PCSK5: variants seen among roughly 807,000 people sequenced by gnomAD.
PCSK5 encodes the protein proprotein convertase subtilisin/kexin type 5.
Under a neutral mutation model 233.2 loss-of-function variants are expected in PCSK5, and 129 were observed. The ratio of observed to expected loss-of-function variants is 0.55; its 90% CI spans 0.48 to 0.64. The LOEUF (loss-of-function observed/expected upper bound fraction) is 0.64. PCSK5 is among the 30% of genes least tolerant of loss of function. The pLI is 0.00. For missense variants in PCSK5, 2,076 were observed against 2,430.1 expected (o/e 0.85, Z 3.06); for synonymous variants, 825 against 879.2 (o/e 0.94, Z 1.09).
At chr9:76,264,399 G>T (rs1827272840) in intron 24 of PCSK5, among the ~76,000 whole-genome samples, 1 of 152,028 alleles carries the variant, frequency 6.6e-6, no homozygotes, top group South Asian at 2.1e-4. Context: ...TGGGTCTTGG[G>T]AAGGAATTTA....
intron 32 of PCSK5, among the ~76,000 whole-genome samples, chr9:76,325,133 C>T (rs1043749614): frequency 1.3e-5 from 2 of 152,038 alleles, no homozygotes; most frequent in African/African-American, 4.8e-5. Context: ...AGGCTGTGTC[C>T]GCATGCAGAA....
chr9:75,916,669 A>G (rs1337895389), intron 1 of PCSK5, among the ~76,000 whole-genome samples: 1 of 152,086 alleles, frequency 6.6e-6, no homozygotes, highest in Non-Finnish European at 1.5e-5. Context: ...AAGGAAGGCC[A>G]GTGGGTTGGT....
At chr9:76,138,150 G>A (rs916866789) in intron 10 of PCSK5, among the ~76,000 whole-genome samples, 8 of 152,088 alleles carry the variant, frequency 5.3e-5, no homozygotes, top group Non-Finnish European at 7.4e-5. Context: ...GGGAAGAAAC[G>A]TCAGGGACAC....
At chr9:76,356,807 G>A (rs1337370145) in intron 37 of PCSK5, among the ~76,000 whole-genome samples, 1 of 152,180 alleles carries the variant, frequency 6.6e-6, no homozygotes, top group Non-Finnish European at 1.5e-5. Flanking sequence ...CACCTTGGCA[G>A]CAGTGTTATA....
chr9:76,201,256 G>A (rs529139872), intron 20 of PCSK5, among the ~76,000 whole-genome samples: 58 of 152,292 alleles, frequency 3.8e-4, no homozygotes, highest in African/African-American at 1.4e-3. Context: ...GAAAAAACAT[G>A]ATGTGCTAGC....
At chr9:76,055,868 G>GTAC (rs1425224477) in intron 5 of PCSK5, among the ~76,000 whole-genome samples, 2 of 152,150 alleles carry the variant, frequency 1.3e-5, no homozygotes, top group African/African-American at 4.8e-5. Flanking sequence ...TGAGGCAAAA[G>GTAC]TACTTTGAGC....
intron 35 of PCSK5, among the ~76,000 whole-genome samples, chr9:76,347,076 A>ATT (rs34762060): frequency 0.22 from 31,988 of 148,518 alleles, 3,538 homozygotes; most frequent in Middle Eastern, 0.4. Context: ...TATTTTTTCT[A>ATT]TTTTTTTTTT....
chr9:76,137,804 G>C (rs1489826973), intron 10 of PCSK5, among the ~76,000 whole-genome samples: 2 of 152,050 alleles, frequency 1.3e-5, no homozygotes, highest in Non-Finnish European at 2.9e-5. Context: ...CCAGTATTTT[G>C]CTTCTGACCA....
At chr9:76,109,628 T>C (rs1302315784) in intron 9 of PCSK5, among the ~76,000 whole-genome samples, 2 of 151,688 alleles carry the variant, frequency 1.3e-5, no homozygotes, top group African/African-American at 4.8e-5. Context: ...ACAACTGTGA[T>C]GAGTAGAAGG....
chr9:76,023,639 G>A, intron 3 of PCSK5, 99 bp from the exon 4 acceptor site: 1 of 1,131,660 alleles, frequency 8.8e-7, no homozygotes, highest in Non-Finnish European at 1.3e-6. Context: ...CTCCAGCCTG[G>A]GCAGCAGAGA....
intron 5 of PCSK5, among the ~76,000 whole-genome samples, chr9:76,048,415 A>G (rs1006182997): frequency 6.6e-6 from 1 of 152,234 alleles, no homozygotes; most frequent in Non-Finnish European, 1.5e-5. Flanking sequence ...TAGCTTAAAA[A>G]TGCAACTTCT....
intron 24 of PCSK5, among the ~76,000 whole-genome samples, chr9:76,276,052 C>CT (rs1827679515): frequency 6.6e-6 from 1 of 152,152 alleles, no homozygotes; most frequent in South Asian, 2.1e-4. Flanking sequence ...CATCCAGGTG[C>CT]TTGGACAAGG....
At chr9:76,131,143 G>A (rs1822749208) in intron 9 of PCSK5, among the ~76,000 whole-genome samples, 1 of 152,120 alleles carries the variant, frequency 6.6e-6, no homozygotes, top group Admixed American at 6.6e-5. Context: ...AATGGTTTAT[G>A]AGATCTCTCA....
chr9:76,351,453 A>AAGAAAGAAAGAAAG (rs1735724833), intron 36 of PCSK5, among the ~76,000 whole-genome samples: 1 of 19,950 alleles, frequency 5.0e-5, no homozygotes, highest in Non-Finnish European at 1.1e-4. Context: ...GAAAGGAAAG[A>AAGAAAGAAAGAAAG]AAGAAAGAAA....
At chr9:76,229,559 C>G (rs1407469158) in intron 21 of PCSK5, among the ~76,000 whole-genome samples, 1 of 152,144 alleles carries the variant, frequency 6.6e-6, no homozygotes, top group Non-Finnish European at 1.5e-5. Context: ...GACCCATGCT[C>G]AAACATTGTA....
chr9:76,283,062 GTTCT>G (rs2131391381), intron 24 of PCSK5, among the ~76,000 whole-genome samples: 1 of 152,310 alleles, frequency 6.6e-6, no homozygotes, highest in African/African-American at 2.4e-5. Flanking sequence ...CAAGAAATTG[GTTCT>G]TATGGTTGAG....
At position 76,189,765 on chromosome 9, in the gene PCSK5, A is replaced by G. The variant is rs1266941150; in HGVS notation, c.2626+19A>G. ...AAGGATGGTGAGTACAACTGCCCATATCGATCTTATGAAGCAAAGTATGAT... is the reference window on the plus strand; with the variant it reads ...AAGGATGGTGAGTACAACTGCCCATGTCGATCTTATGAAGCAAAGTATGAT... On this transcript the variant is annotated intron_variant, in intron 20 of 37. Coordinates refer to ENST00000674117, the MANE Select transcript of PCSK5 (RefSeq NM_001372043.1). 8.0e-7 allele frequency: 1 copy of G among 1,245,542 alleles called. No homozygotes were observed. The highest frequency in any genetic ancestry group is 2.3e-5 in the East Asian group (1 of 43,088). The allele number at this position is 1,245,542 out of a possible 1,614,324, so 77.2% of individuals were successfully genotyped here.
chr9:75,966,883 A>C (rs1890915), intron 2 of PCSK5, among the ~76,000 whole-genome samples: 117,008 of 152,120 alleles, frequency 0.77, 45,241 homozygotes, highest in Admixed American at 0.81. Context: ...GTATGTTGTG[A>C]AAAACCCTTA....
intron 31 of PCSK5, among the ~76,000 whole-genome samples, chr9:76,322,433 A>C (rs1054556848): frequency 2.0e-5 from 3 of 152,162 alleles, no homozygotes; most frequent in Admixed American, 1.3e-4. Flanking sequence ...TATCTCCCCC[A>C]AAAAGCTGTT....
Sources: allele counts gnomAD v4.1 joint callset (sites outside exome capture counted in the v4.1 genomes callset), GRCh38; gene constraint gnomAD v4.1.1; transcripts MANE v1.5; gene names NCBI Gene and HGNC (gene_info 2026-07-23, HGNC 2026-07-21).